MMAA: variants seen among roughly 807,000 people sequenced by gnomAD.
The protein encoded by MMAA is methylmalonic aciduria type A protein, mitochondrial.
In MMAA, 41 loss-of-function variants were observed where a neutral mutation model predicts 45.0. The observed-to-expected ratio is 0.91, with a 90% CI of 0.71 to 1.18. The LOEUF is 1.18. MMAA is among the 50% of genes most tolerant of loss of function. The pLI is 0.00. For missense variants in MMAA, 460 were observed against 495.7 expected (o/e 0.93, Z 0.68); for synonymous variants, 154 against 178.2 (o/e 0.86, Z 1.08).
rs1033191638 is a variant in MMAA at position 145,620,768 on chromosome 4, A to G, written c.-66+1361A>G. Among the ~76,000 whole-genome samples the G allele has an allele frequency of 2.0e-5, 3 of 152,158 alleles. No homozygotes were observed. In the South Asian group the frequency reaches 6.2e-4, roughly 32 times the overall value. Reference sequence around the variant, plus strand: ...AGTCCTAGAGACTGGGATGGTCAGGAAAGATTTTAAGCTGGGTAGTATAGG... The same window carrying G: ...AGTCCTAGAGACTGGGATGGTCAGGGAAGATTTTAAGCTGGGTAGTATAGG... On this transcript the variant is annotated intron_variant, in intron 1 of 6. Coordinates refer to ENST00000649156, the MANE Select transcript of MMAA (RefSeq NM_172250.3).
chr4:145,646,263 A>G (rs1421542985), intron 4 of MMAA, 107 bp downstream of exon 4: 3 of 1,241,342 alleles, frequency 2.4e-6, no homozygotes, highest in African/African-American at 1.5e-5. Flanking sequence ...CTAAATGTAT[A>G]ATTAAATACA....
Position 145,657,378 on chromosome 4 carries a change from T to C in MMAA, c.*1944T>C, listed in dbSNP as rs893023544. 3 of 129,482 alleles carry C rather than the reference T, an allele frequency of 2.3e-5. No homozygotes were observed. The highest frequency in any genetic ancestry group is 9.3e-5 in the African/African-American group (3 of 32,104). The allele number at this position is 129,482 out of a possible 1,614,324, so 8.0% of individuals were successfully genotyped here. A position where few individuals can be genotyped will look rare whatever the true frequency, so the allele number is the denominator to read the frequency against. On this transcript the variant is annotated 3_prime_UTR_variant, in exon 7 of 7. Coordinates refer to ENST00000649156, the MANE Select transcript of MMAA (RefSeq NM_172250.3). ...TAATATAATAATAATGAAATATAGC[T>C]TTTTTTTTCAACTCAGAAATCCTAT... is the stretch of plus-strand genomic sequence containing the variant.
chr4:145,628,768 T>A (rs530368238), intron 1 of MMAA, among the ~76,000 whole-genome samples: 2 of 152,188 alleles, frequency 1.3e-5, no homozygotes, highest in African/African-American at 2.4e-5. Context: ...TAGTAACATA[T>A]GCTGTTTTTA....
rs768350940 is a variant in MMAA at position 145,659,884 on chromosome 4, A to G, written c.*4450A>G. The stretch of plus-strand genomic sequence containing the variant: ...TACTGTTGCGAACCATAGTCACCCT[A>G]CTGTGCAATAGAACACCTGAACTTA... On this transcript the variant is annotated 3_prime_UTR_variant, in exon 7 of 7. Coordinates refer to ENST00000649156, the MANE Select transcript of MMAA (RefSeq NM_172250.3). 6.6e-6 allele frequency: 1 copy of G among 152,024 alleles called. No individual in the cohort carries two copies. Among genetic ancestry groups the G allele is most frequent in the Non-Finnish European group, 1.5e-5 (1 of 68,012 alleles). The allele number at this position is 152,024 out of a possible 1,614,324, so 9.4% of individuals were successfully genotyped here.
intron 5 of MMAA, among the ~76,000 whole-genome samples, chr4:145,652,483 C>T (rs1728119797): frequency 6.6e-6 from 1 of 152,082 alleles, no homozygotes; most frequent in Non-Finnish European, 1.5e-5. Flanking sequence ...AATCCCAGCA[C>T]TTTGGGAGGC....
At chr4:145,644,952 G>T (rs1173494028) in intron 3 of MMAA, among the ~76,000 whole-genome samples, 1 of 152,160 alleles carries the variant, frequency 6.6e-6, no homozygotes, top group African/African-American at 2.4e-5. Context: ...ATTGCCCCCA[G>T]TTGAGAACCA....
chr4:145,627,323 T>G (rs772629940), intron 1 of MMAA, among the ~76,000 whole-genome samples: 1 of 152,212 alleles, frequency 6.6e-6, no homozygotes, highest in Non-Finnish European at 1.5e-5. Context: ...GTCAAAGGTG[T>G]CTTGATTCAA....
intron 4 of MMAA, among the ~76,000 whole-genome samples, chr4:145,648,265 A>T (rs1226610942): frequency 1.3e-5 from 2 of 150,910 alleles, no homozygotes; most frequent in Non-Finnish European, 2.9e-5. Context: ...CTCCTGCCTC[A>T]GCCCCCCGAG....
intron 1 of MMAA, among the ~76,000 whole-genome samples, chr4:145,636,934 A>C (rs10014853): frequency 0.049 from 7,455 of 152,278 alleles, 549 homozygotes; most frequent in African/African-American, 0.17. Flanking sequence ...GGAACCTGTG[A>C]ATGTGGCCCT....
chr4:145,631,917 A>G (rs767486157), intron 1 of MMAA, among the ~76,000 whole-genome samples: 1 of 152,228 alleles, frequency 6.6e-6, no homozygotes. Context: ...TAGAAAACTA[A>G]TGAAGACTCT....
At chr4:145,654,956 A>G (rs943148950) in intron 6 of MMAA, among the ~76,000 whole-genome samples, 191 bp from the exon 7 acceptor site, 10 of 152,184 alleles carry the variant, frequency 6.6e-5, no homozygotes, top group African/African-American at 1.9e-4. Flanking sequence ...TCTGCTATGC[A>G]CTTAGTAATC....
intron 4 of MMAA, among the ~76,000 whole-genome samples, chr4:145,648,119 A>G (rs955551588): frequency 2.2e-4 from 29 of 130,458 alleles, no homozygotes; most frequent in Middle Eastern, 5.9e-3. Context: ...TCAGCCTCCC[A>G]TTACAGGTGT....
intron 1 of MMAA, among the ~76,000 whole-genome samples, chr4:145,633,130 A>T (rs1372459203): frequency 6.8e-6 from 1 of 146,448 alleles, no homozygotes; most frequent in Non-Finnish European, 1.5e-5. Context: ...GTTGCATTTA[A>T]TCTCCTTGTT....
At position 145,659,556 on chromosome 4, in the gene MMAA, C is replaced by G. The variant is rs1728331311; in HGVS notation, c.*4122C>G. ...AAAGGCGTAATCTAAATTAATTATG[C>G]TTTTAACTAACACAGAAGAAATCAT... is the stretch of plus-strand genomic sequence containing the variant. On this transcript the variant is annotated 3_prime_UTR_variant, in exon 7 of 7. Transcript: ENST00000649156. 1 of 152,150 alleles carries G rather than the reference C, an allele frequency of 6.6e-6. No homozygotes were observed. The highest frequency in any genetic ancestry group is 6.5e-5 in the Admixed American group (1 of 15,280). 9.4% of individuals were successfully genotyped at this position (152,150 alleles called of 1,614,324 possible). A position where few individuals can be genotyped will look rare whatever the true frequency, so the allele number is the denominator to read the frequency against.
chr4:145,635,356 G>A (rs1727583456), intron 1 of MMAA, among the ~76,000 whole-genome samples: 1 of 152,158 alleles, frequency 6.6e-6, no homozygotes, highest in African/African-American at 2.4e-5. Flanking sequence ...GCTATAACAG[G>A]GCGGCACTGA....
intron 1 of MMAA, among the ~76,000 whole-genome samples, chr4:145,634,551 A>G (rs1727554881): frequency 6.6e-6 from 1 of 151,378 alleles, no homozygotes; most frequent in Non-Finnish European, 1.5e-5. Flanking sequence ...TTGTTTCTCT[A>G]CCCCACTGTG....
At chr4:145,653,551 A>C (rs1285957077) in intron 5 of MMAA, among the ~76,000 whole-genome samples, 1 of 152,244 alleles carries the variant, frequency 6.6e-6, no homozygotes, top group Non-Finnish European at 1.5e-5. Flanking sequence ...TTGAAAATAA[A>C]ATGCTATATA....
At chr4:145,652,229 G>C (rs947917913) in intron 5 of MMAA, among the ~76,000 whole-genome samples, 4 of 152,096 alleles carry the variant, frequency 2.6e-5, no homozygotes, top group Non-Finnish European at 5.9e-5. Context: ...CAACCAGAAG[G>C]CTCCCCTGAG....
At chr4:145,644,128 T>C (rs1727865303) in intron 3 of MMAA, among the ~76,000 whole-genome samples, 1 of 152,200 alleles carries the variant, frequency 6.6e-6, no homozygotes, top group Admixed American at 6.5e-5. Flanking sequence ...AGACCCCCTG[T>C]GATAGCTTTG....
Sources: gnomAD v4.1 joint callset for allele counts (sites outside exome capture counted in the v4.1 genomes callset) on GRCh38, gnomAD v4.1.1 for gene constraint, MANE v1.5 for transcripts, NCBI Gene and HGNC (gene_info 2026-07-23, HGNC 2026-07-21) for gene names.